Variants in SETD3 observed in about 807,000 individuals in gnomAD.
SETD3 encodes the protein SET domain containing 3, actin N3(tau)-histidine methyltransferase.
Under a neutral mutation model 63.0 loss-of-function variants are expected in SETD3, and 19 were observed. The ratio of observed to expected loss-of-function variants is 0.30; its 90% CI spans 0.21 to 0.44. The LOEUF (loss-of-function observed/expected upper bound fraction) is 0.44. Ranked by LOEUF, SETD3 falls within the 20% of genes least tolerant of loss-of-function variation. The probability of loss-of-function intolerance (pLI) is 1.00; values close to 1 mark genes in which losing one functional copy is unlikely to be tolerated. For synonymous variants in SETD3, 286 were observed against 264.1 expected, an observed-to-expected ratio of 1.08 and a Z score of -0.80; for missense variants, 587 against 728.5, an observed-to-expected ratio of 0.81 and a Z score of 2.24.
At chr14:99,442,986 T>A (rs1279774372) in intron 6 of SETD3, among the ~76,000 whole-genome samples, 2 of 152,188 alleles carry the variant, frequency 1.3e-5, no homozygotes, top group Non-Finnish European at 2.9e-5. Context: ...GCTGATGTTG[T>A]GGCACAGACC....
At chr14:99,426,519 G>A (rs1440606446) in intron 6 of SETD3, among the ~76,000 whole-genome samples, 2 of 152,204 alleles carry the variant, frequency 1.3e-5, no homozygotes, top group Admixed American at 1.3e-4. Flanking sequence ...TGAATGTGGG[G>A]AGAGGGCGGA....
rs1267343931 is a variant in SETD3 at position 99,461,200 on chromosome 14, C to G, written c.337G>C (p.Asp113His). The change falls in exon 4 of 13, where the codon GAT becomes CAT. Residue 113 changes from aspartate (D) to histidine (H), a missense_variant. Asp to His is a moderately conservative substitution (Grantham distance 81). Transcript: ENST00000331768. ...EEGFGLRATR[D>H]IKAEELFLWV... The stretch of plus-strand genomic sequence containing the variant: ...ACATTTTATAAACTCACCTTGATAT[C>G]TCTTGTTGCTCTCAAACCAAAGCCC... 1 of 1,613,902 alleles carries G rather than the reference C, an allele frequency of 6.2e-7. No individual in the cohort carries two copies. Among genetic ancestry groups the G allele is most frequent in the Non-Finnish European group, 8.5e-7 (1 of 1,179,938 alleles).
At chr14:99,458,658 C>T in intron 5 of SETD3, 123 bp from the exon 6 acceptor site, 3 of 1,253,506 alleles carry the variant, frequency 2.4e-6, no homozygotes, top group Non-Finnish European at 3.2e-6. Flanking sequence ...CAGGTACAGG[C>T]TGGGCGCAGT....
intron 8 of SETD3, 54 bp downstream of exon 8, chr14:99,412,897 C>A: frequency 2.3e-6 from 3 of 1,281,892 alleles, no homozygotes; most frequent in Non-Finnish European, 3.4e-6. Context: ...CCTCCCAAAG[C>A]TTAGCAACAA....
At position 99,405,298 on chromosome 14, in the gene SETD3, G is replaced by A; in HGVS notation, c.998C>T (p.Ser333Leu). 1 of 1,611,780 alleles carries A rather than the reference G, an allele frequency of 6.2e-7. No homozygotes were observed. Among genetic ancestry groups the A allele is most frequent in the Non-Finnish European group, 8.5e-7 (1 of 1,178,966 alleles). ...AAGCTTTATTTTCACTCTGTCGTGT[G>A]AGTTATTGTCAAAGAAAAAACCACT... The part of the protein sequence containing the change: ...IHSGFFFDNN[S>L]HDRVKIKLGV... Residue 333 changes from serine (S) to leucine (L), a missense_variant, in exon 10 of 13, where the codon TCA becomes TTA. Ser to Leu is a moderately radical substitution (Grantham distance 145). Transcript: ENST00000331768.
chr14:99,419,732 G>A (rs993480168), intron 6 of SETD3, among the ~76,000 whole-genome samples: 3 of 147,596 alleles, frequency 2.0e-5, no homozygotes, highest in African/African-American at 5.0e-5. Context: ...CCGAGATCCC[G>A]CCACTGCACT....
intron 6 of SETD3, among the ~76,000 whole-genome samples, chr14:99,445,551 A>G (rs1894085174): frequency 6.6e-6 from 1 of 152,196 alleles, no homozygotes; most frequent in Non-Finnish European, 1.5e-5. Flanking sequence ...TTGAGAGTAG[A>G]TTATAGCTAC....
chr14:99,483,183 A>G (rs544517298), upstream of SETD3, among the ~76,000 whole-genome samples: 1 of 152,280 alleles, frequency 6.6e-6, no homozygotes, highest in South Asian at 2.1e-4. Flanking sequence ...TCTTGTTGGA[A>G]GAGCCAACAA....
At chr14:99,454,020 C>T (rs987290647) in intron 6 of SETD3, among the ~76,000 whole-genome samples, 1 of 152,156 alleles carries the variant, frequency 6.6e-6, no homozygotes, top group African/African-American at 2.4e-5. Context: ...GAGCGTGAGA[C>T]AACCCAAGGT....
chr14:99,433,956 C>T (rs757764289), intron 6 of SETD3, among the ~76,000 whole-genome samples: 10 of 152,160 alleles, frequency 6.6e-5, no homozygotes, highest in South Asian at 4.1e-4. Context: ...ATAGCTGGTG[C>T]GAGTGTAAAT....
intron 8 of SETD3, among the ~76,000 whole-genome samples, chr14:99,407,565 G>A (rs751270407): frequency 2.0e-5 from 3 of 152,116 alleles, no homozygotes; most frequent in Admixed American, 6.5e-5. Context: ...CTCTGCCTTC[G>A]GAATAAACCC....
intron 6 of SETD3, among the ~76,000 whole-genome samples, chr14:99,423,413 A>T (rs1018463195): frequency 1.3e-5 from 2 of 151,962 alleles, no homozygotes; most frequent in African/African-American, 2.4e-5. Context: ...GTAAGTCAAG[A>T]CACTTGAATA....
chr14:99,443,953 T>A, intron 6 of SETD3, among the ~76,000 whole-genome samples: 1 of 152,308 alleles, frequency 6.6e-6, no homozygotes, highest in East Asian at 1.9e-4. Flanking sequence ...CCTGCATCAG[T>A]GCAGGACTCA....
At chr14:99,414,644 G>A (rs181119418) in intron 6 of SETD3, among the ~76,000 whole-genome samples, 19 of 152,294 alleles carry the variant, frequency 1.2e-4, no homozygotes, top group African/African-American at 4.1e-4. Flanking sequence ...TCACTTTTAT[G>A]AGAAAATTAT....
At chr14:99,418,204 T>C (rs547039342) in intron 6 of SETD3, among the ~76,000 whole-genome samples, 9 of 152,330 alleles carry the variant, frequency 5.9e-5, no homozygotes, top group Admixed American at 1.3e-4. Context: ...TTGATGACTA[T>C]AGTATCAGAA....
At chr14:99,451,372 C>A (rs1476401368) in intron 6 of SETD3, among the ~76,000 whole-genome samples, 3 of 152,356 alleles carry the variant, frequency 2.0e-5, no homozygotes, top group Admixed American at 2.0e-4. Flanking sequence ...CCATTTCATA[C>A]AAGCCTCTTC....
intron 6 of SETD3, among the ~76,000 whole-genome samples, chr14:99,437,438 C>T (rs1893545093): frequency 1.3e-5 from 2 of 152,210 alleles, no homozygotes; most frequent in East Asian, 1.9e-4. Context: ...TGGGCTACTC[C>T]GCCAACCCCT....
At chr14:99,442,970 C>T (rs1453184150) in intron 6 of SETD3, among the ~76,000 whole-genome samples, 4 of 152,180 alleles carry the variant, frequency 2.6e-5, no homozygotes, top group African/African-American at 4.8e-5. Context: ...CTGACGCGGA[C>T]GGGACGCTGA....
At chr14:99,471,818 A>G (rs1021277363) in intron 1 of SETD3, among the ~76,000 whole-genome samples, 1 of 152,222 alleles carries the variant, frequency 6.6e-6, no homozygotes, top group Non-Finnish European at 1.5e-5. Context: ...ATAGAAAAGG[A>G]AAGCTTACGG....
Sources: gnomAD v4.1 joint callset for allele counts (sites outside exome capture counted in the v4.1 genomes callset) on GRCh38, gnomAD v4.1.1 for gene constraint, MANE v1.5 for transcripts, NCBI Gene and HGNC (gene_info 2026-07-23, HGNC 2026-07-21) for gene names.